The following PTPRK variants were observed in gnomAD, a reference collection of about 807,000 sequenced individuals.
PTPRK encodes the protein protein tyrosine phosphatase receptor type K.
A neutral mutation model predicts 178.0 loss-of-function variants in PTPRK; 75 were observed. That is an observed-to-expected ratio of 0.42 (90% CI 0.35 to 0.51). The LOEUF (loss-of-function observed/expected upper bound fraction) is 0.51, where lower values mean the gene tolerates loss of function less well. PTPRK is among the 20% of genes least tolerant of loss of function. PTPRK has a pLI of 0.02. For synonymous variants in PTPRK, 637 were observed against 620.6 expected, an observed-to-expected ratio of 1.03 and a Z score of -0.39; for missense variants, 1,441 against 1,797.8, an observed-to-expected ratio of 0.80 and a Z score of 3.59.
intron 7 of PTPRK, among the ~76,000 whole-genome samples, chr6:128,164,616 CTTAAA>C (rs1799134812): frequency 6.6e-6 from 1 of 151,176 alleles, no homozygotes; most frequent in Non-Finnish European, 1.5e-5. Flanking sequence ...AGAACTAAAT[CTTAAA>C]TTAATTTCTC....
At chr6:128,217,416 A>G (rs1029613999) in intron 6 of PTPRK, among the ~76,000 whole-genome samples, 1 of 152,184 alleles carries the variant, frequency 6.6e-6, no homozygotes, top group African/African-American at 2.4e-5. Flanking sequence ...GCATCATCCA[A>G]TAATGGTAAT....
intron 5 of PTPRK, among the ~76,000 whole-genome samples, chr6:128,228,475 T>A (rs1258872884): frequency 7.0e-6 from 1 of 142,746 alleles, no homozygotes; most frequent in East Asian, 2.0e-4. Context: ...TGAAACCCCA[T>A]CTCTACTAAA....
chr6:128,337,399 T>C (rs536550259), intron 2 of PTPRK, among the ~76,000 whole-genome samples: 20 of 152,250 alleles, frequency 1.3e-4, no homozygotes, highest in East Asian at 7.7e-4. Flanking sequence ...AATCCTCCAG[T>C]GAGAAAGTTA....
chr6:128,261,892 T>C (rs1414056470), intron 3 of PTPRK, among the ~76,000 whole-genome samples: 3 of 152,076 alleles, frequency 2.0e-5, no homozygotes, highest in East Asian at 3.9e-4. Context: ...GAATCAAGAA[T>C]ATAGGCTCTA....
intron 1 of PTPRK, among the ~76,000 whole-genome samples, chr6:128,464,649 A>ATGTATATG (rs1185101979): frequency 3.1e-5 from 3 of 96,188 alleles, no homozygotes; most frequent in African/African-American, 1.5e-4. Context: ...ATATATATAT[A>ATGTATATG]TATATATATA....
intron 13 of PTPRK, among the ~76,000 whole-genome samples, chr6:128,017,802 G>GTGTATATATA (rs1287001811): frequency 8.0e-4 from 81 of 101,250 alleles, no homozygotes; most frequent in African/African-American, 1.6e-3. Flanking sequence ...ATATATATGT[G>GTGTATATATA]TATATATATA....
chr6:128,472,937 A>G (rs2128419599), intron 1 of PTPRK, among the ~76,000 whole-genome samples: 1 of 152,232 alleles, frequency 6.6e-6, no homozygotes, highest in Admixed American at 6.5e-5. Flanking sequence ...TTGTTGCATG[A>G]GACAACAGTA....
intron 3 of PTPRK, among the ~76,000 whole-genome samples, chr6:128,247,647 A>G (rs760056163): frequency 1.3e-5 from 2 of 152,140 alleles, no homozygotes; most frequent in African/African-American, 2.4e-5. Flanking sequence ...TGTAACTTTA[A>G]CTTATGTAAA....
intron 15 of PTPRK, chr6:128,003,315 C>T (rs368676529): frequency 4.0e-5 from 50 of 1,239,290 alleles, no homozygotes; most frequent in East Asian, 1.3e-4. Context: ...TAGATTTATG[C>T]TTTCTTAAGA....
intron 2 of PTPRK, among the ~76,000 whole-genome samples, chr6:128,385,539 T>G (rs959982449): frequency 2.0e-5 from 3 of 152,204 alleles, no homozygotes; most frequent in African/African-American, 7.2e-5. Flanking sequence ...TGTCCATATA[T>G]TCTTACTTTC....
In PTPRK at chr6:128,520,450, C is replaced by T. The variant is rs1297633188; in HGVS notation, c.-92G>A. 17 of 1,278,060 alleles carry T rather than the reference C, an allele frequency of 1.3e-5. No homozygotes were observed. In the Admixed American group the frequency reaches 3.4e-4, roughly 26 times the overall value. 79.2% of individuals were successfully genotyped at this position (1,278,060 alleles called of 1,614,324 possible). A position where few individuals can be genotyped will look rare whatever the true frequency, so the allele number is the denominator to read the frequency against. ...CGACGGAGGAGCGGGCCGGGCCTCGCGGGGTGAGGACGGTGAGAGGACAGC... is the reference window on the plus strand; with the variant it reads ...CGACGGAGGAGCGGGCCGGGCCTCGTGGGGTGAGGACGGTGAGAGGACAGC... On this transcript the variant is annotated 5_prime_UTR_variant, in exon 1 of 30. Coordinates refer to ENST00000368226, the MANE Select transcript of PTPRK (RefSeq NM_002844.4).
chr6:128,400,380 T>C (rs1322015986), intron 1 of PTPRK, among the ~76,000 whole-genome samples: 4 of 152,130 alleles, frequency 2.6e-5, no homozygotes, highest in Admixed American at 2.6e-4. Flanking sequence ...TTGTGAAATT[T>C]CAAATAACTC....
At chr6:128,414,637 C>A (rs1304190821) in intron 1 of PTPRK, among the ~76,000 whole-genome samples, 1 of 152,092 alleles carries the variant, frequency 6.6e-6, no homozygotes, top group East Asian at 1.9e-4. Flanking sequence ...ATTGTTCTGT[C>A]CAGTTGATCT....
intron 1 of PTPRK, among the ~76,000 whole-genome samples, chr6:128,486,773 G>A (rs1395004499): frequency 1.3e-5 from 2 of 150,246 alleles, no homozygotes; most frequent in Non-Finnish European, 3.0e-5. Context: ...GGCAGATCCT[G>A]TAGAAAGAAA....
intron 6 of PTPRK, among the ~76,000 whole-genome samples, chr6:128,201,759 G>A (rs1219073118): frequency 1.3e-5 from 2 of 151,738 alleles, no homozygotes; most frequent in African/African-American, 4.8e-5. Flanking sequence ...TAAAATGGTA[G>A]GTAATAACTA....
Position 127,981,883 on chromosome 6 carries a change from A to G in PTPRK, c.3538-594T>C, listed in dbSNP as rs1270102220. ...TACTCTGTTGCCCAGGTTGGAGTGC[A>G]GTGGCAATATCTTGGCTCACCACAG... On this transcript the variant is annotated intron_variant, in intron 24 of 29. Coordinates refer to ENST00000368226, the MANE Select transcript of PTPRK (RefSeq NM_002844.4). 3.9e-5 allele frequency among the ~76,000 whole-genome samples: 6 copies of G among 152,324 alleles called. No individual in the cohort carries two copies. In the East Asian group the frequency reaches 1.2e-3, roughly 29 times the overall value.
At chr6:128,035,533 A>G (rs1776068145) in intron 13 of PTPRK, among the ~76,000 whole-genome samples, 1 of 152,210 alleles carries the variant, frequency 6.6e-6, no homozygotes, top group African/African-American at 2.4e-5. Flanking sequence ...ACTTGAAGAT[A>G]TACTCATAAA....
intron 5 of PTPRK, among the ~76,000 whole-genome samples, chr6:128,239,595 C>G (rs973487655): frequency 1.3e-5 from 2 of 152,198 alleles, no homozygotes; most frequent in Non-Finnish European, 1.5e-5. Context: ...TTAATTGGCT[C>G]TCTTCCAATT....
At chr6:128,108,067 AAAACACACACAC>A (rs1790010525) in intron 7 of PTPRK, among the ~76,000 whole-genome samples, 1 of 126,152 alleles carries the variant, frequency 7.9e-6, no homozygotes, top group African/African-American at 3.3e-5. Flanking sequence ...CCTAAATAGC[AAAACACACACAC>A]ACACACACAC....
Sources: gnomAD v4.1 joint callset for allele counts (sites outside exome capture counted in the v4.1 genomes callset) on GRCh38, gnomAD v4.1.1 for gene constraint, MANE v1.5 for transcripts, NCBI Gene and HGNC (gene_info 2026-07-23, HGNC 2026-07-21) for gene names.